DLG2: variants seen among roughly 807,000 people sequenced by gnomAD.
DLG2 encodes discs large MAGUK scaffold protein 2, also known as disks large homolog 2.
Under a neutral mutation model 132.5 loss-of-function variants are expected in DLG2, and 45 were observed. The ratio of observed to expected loss-of-function variants is 0.34; its 90% CI spans 0.27 to 0.44. The LOEUF (loss-of-function observed/expected upper bound fraction) is 0.44, where lower values mean the gene tolerates loss of function less well. DLG2 is among the 20% of genes least tolerant of loss of function. The pLI is 1.00. For synonymous variants in DLG2, 424 were observed against 419.6 expected, an observed-to-expected ratio of 1.01 and a Z score of -0.13; for missense variants, 1,045 against 1,196.9, an observed-to-expected ratio of 0.87 and a Z score of 1.87.
chr11:84,273,151 C>T lies in DLG2; in HGVS notation c.520-21860G>A, dbSNP rs755938527. ...GAAAATAAAAGAAAATTTTCCTTAC[C>T]GGAATAAATGCATGTTGCATAGCTT... On this transcript the variant is annotated intron_variant, in intron 7 of 27. Transcript: ENST00000376104. 6 of 1,506,306 alleles carry T rather than the reference C, an allele frequency of 4.0e-6. No homozygotes were observed. Among genetic ancestry groups the T allele is most frequent in the South Asian group, 1.4e-5 (1 of 74,036 alleles). The allele number at this position is 1,506,306 out of a possible 1,614,324, so 93.3% of individuals were successfully genotyped here. A position where few individuals can be genotyped will look rare whatever the true frequency, so the allele number is the denominator to read the frequency against.
chr11:84,345,486 AC>A (rs1405328707), intron 7 of DLG2, among the ~76,000 whole-genome samples: 1 of 152,246 alleles, frequency 6.6e-6, no homozygotes, highest in African/African-American at 2.4e-5. Flanking sequence ...GCAACAGGTT[AC>A]AGAATTATAA....
chr11:84,336,739 A>T (rs2098486484), intron 7 of DLG2, among the ~76,000 whole-genome samples: 2 of 152,184 alleles, frequency 1.3e-5, no homozygotes, highest in Admixed American at 1.3e-4. Flanking sequence ...CCCACTCTAA[A>T]GTAGGTCTGT....
At chr11:84,701,619 C>G (rs951512161) in intron 6 of DLG2, among the ~76,000 whole-genome samples, 1 of 151,536 alleles carries the variant, frequency 6.6e-6, no homozygotes, top group Non-Finnish European at 1.5e-5. Flanking sequence ...GCTCCCCCAA[C>G]CCAGGCACAT....
At chr11:85,153,381 T>A (rs1450967697) in intron 5 of DLG2, among the ~76,000 whole-genome samples, 1 of 152,232 alleles carries the variant, frequency 6.6e-6, no homozygotes, top group Non-Finnish European at 1.5e-5. Context: ...AGCTTTCCTC[T>A]AAATAACCCC....
chr11:85,261,330 T>A (rs1326875967), intron 4 of DLG2, among the ~76,000 whole-genome samples: 1 of 152,116 alleles, frequency 6.6e-6, no homozygotes, highest in African/African-American at 2.4e-5. Flanking sequence ...TGTTTTCCCC[T>A]ACCTGAGGCC....
At chr11:83,461,896 C>T in intron 27 of DLG2, 106 bp downstream of exon 27, 1 of 750,116 alleles carries the variant, frequency 1.3e-6, no homozygotes, top group Non-Finnish European at 2.4e-6. Flanking sequence ...GGATTCTCAA[C>T]AGGAAGGTTT....
chr11:85,457,779 T>C (rs1402633823), intron 3 of DLG2, among the ~76,000 whole-genome samples: 4 of 152,232 alleles, frequency 2.6e-5, no homozygotes, highest in African/African-American at 9.6e-5. Flanking sequence ...TCCTCTGGCT[T>C]GTAGGGTTTC....
intron 3 of DLG2, among the ~76,000 whole-genome samples, chr11:85,516,567 C>G (rs943620725): frequency 6.6e-6 from 1 of 151,854 alleles, no homozygotes; most frequent in African/African-American, 2.4e-5. Flanking sequence ...AGAGACAATT[C>G]AATCAGAAAT....
At chr11:83,981,942 G>A (rs547471250) in intron 11 of DLG2, among the ~76,000 whole-genome samples, 1 of 152,170 alleles carries the variant, frequency 6.6e-6, no homozygotes, top group African/African-American at 2.4e-5. Flanking sequence ...ATCAGTGATA[G>A]AGTACACATA....
In DLG2 at chr11:84,208,750, A is replaced by G. The variant is rs575345876; in HGVS notation, c.573+42488T>C. On this transcript the variant is annotated intron_variant, in intron 8 of 27. Transcript: ENST00000376104. ...TAAAAGGAAGTGTACACTGTACATA[A>G]ACACTGTACTTTAATTGATAAATTT... Among the ~76,000 whole-genome samples, 3 of 152,350 alleles carry G rather than the reference A, an allele frequency of 2.0e-5. No homozygotes were observed. In the East Asian group the frequency reaches 5.8e-4, roughly 29 times the overall value.
Position 83,962,959 on chromosome 11 carries a change from G to A in DLG2, c.1266C>T (p.Thr422=), listed in dbSNP as rs141002101. ...TTCCTGGAGAGATGGGTGGCAGGGA[G>A]GTTTTATATTCTAAAGTGCCATTGT... The part of the protein sequence containing the change: ...SGNNGTLEYK[T]SLPPISPGRY... Residue 422 remains threonine (T), a synonymous_variant, in exon 14 of 28, where the codon ACC becomes ACT. Transcript: ENST00000376104. 6.2e-7 allele frequency: 1 copy of A among 1,613,154 alleles called. No individual in the cohort carries two copies. Among genetic ancestry groups the A allele is most frequent in the Non-Finnish European group, 8.5e-7 (1 of 1,179,242 alleles).
chr11:84,277,448 GA>G (rs2097793178), intron 7 of DLG2, among the ~76,000 whole-genome samples: 1 of 151,820 alleles, frequency 6.6e-6, no homozygotes, highest in South Asian at 2.1e-4. Context: ...AAAATATTAA[GA>G]AAATAAATGA....
chr11:85,051,149 C>A (rs1431627808), intron 6 of DLG2, among the ~76,000 whole-genome samples: 1 of 152,118 alleles, frequency 6.6e-6, no homozygotes, highest in Non-Finnish European at 1.5e-5. Context: ...TTGTTTCTAG[C>A]CTGTCAATAG....
intron 11 of DLG2, among the ~76,000 whole-genome samples, chr11:83,987,424 TC>T (rs1226072937): frequency 6.6e-6 from 1 of 152,166 alleles, no homozygotes; most frequent in African/African-American, 2.4e-5. Context: ...GCTGGAGGCA[TC>T]TTGCTACCTG....
chr11:83,674,307 C>A (rs777932596), intron 18 of DLG2, among the ~76,000 whole-genome samples: 2 of 152,158 alleles, frequency 1.3e-5, no homozygotes, highest in Non-Finnish European at 2.9e-5. Context: ...GCACTGCCTG[C>A]AGCCAGAATA....
intron 6 of DLG2, among the ~76,000 whole-genome samples, chr11:84,748,709 C>T (rs868702539): frequency 2.2e-4 from 34 of 152,272 alleles, no homozygotes; most frequent in Admixed American, 5.9e-4. Context: ...AAAGGTTACG[C>T]GGACTGTAAA....
At chr11:83,735,705 C>T (rs534163232) in intron 18 of DLG2, among the ~76,000 whole-genome samples, 105 of 152,284 alleles carry the variant, frequency 6.9e-4, no homozygotes, top group African/African-American at 2.4e-3. Flanking sequence ...CTTTTATAGT[C>T]ACATTCTTTC....
chr11:83,561,424 C>T (rs761510966), intron 19 of DLG2, among the ~76,000 whole-genome samples: 1 of 152,162 alleles, frequency 6.6e-6, no homozygotes, highest in Non-Finnish European at 1.5e-5. Context: ...ATGCTGCATC[C>T]CATGGACCTT....
At position 83,757,787 on chromosome 11, in the gene DLG2, G is replaced by A. The variant is rs554673901; in HGVS notation, c.1825+28903C>T. Among the ~76,000 whole-genome samples, 16 of 152,042 alleles carry A rather than the reference G, an allele frequency of 1.1e-4. 1 individual carries two copies. The highest frequency in any genetic ancestry group is 3.6e-4 in the African/African-American group (15 of 41,394). ...TTCCCTTTCCTCATCAGACTTTGAT[G>A]CCTAAAGTTCCTTTAATATAACTAC... On this transcript the variant is annotated intron_variant, in intron 18 of 27. Transcript: ENST00000376104.
Sources: allele counts gnomAD v4.1 joint callset (sites outside exome capture counted in the v4.1 genomes callset), GRCh38; gene constraint gnomAD v4.1.1; transcripts MANE v1.5; gene names NCBI Gene and HGNC (gene_info 2026-07-23, HGNC 2026-07-21).